PCDH9: variants seen among roughly 807,000 people sequenced by gnomAD.
PCDH9 encodes protocadherin 9.
PCDH9 carries 24 observed loss-of-function variants against 70.6 expected under a neutral mutation model. The ratio of observed to expected loss-of-function variants is 0.34; its 90% CI spans 0.25 to 0.48. The LOEUF is 0.48. Ranked by LOEUF, PCDH9 falls within the 20% of genes least tolerant of loss-of-function variation. The pLI is 0.99. For synonymous variants in PCDH9, 562 were observed against 558.5 expected, an observed-to-expected ratio of 1.01 and a Z score of -0.09; for missense variants, 1,281 against 1,503.6, an observed-to-expected ratio of 0.85 and a Z score of 2.45.
At chr13:67,188,797 A>G (rs959601306) in intron 2 of PCDH9, among the ~76,000 whole-genome samples, 11 of 151,904 alleles carry the variant, frequency 7.2e-5, no homozygotes, top group African/African-American at 2.7e-4. Flanking sequence ...ATTTTTTTTA[A>G]TTTCTGTAAG....
At position 67,216,646 on chromosome 13, in the gene PCDH9, T is replaced by C. The variant is rs138546196; in HGVS notation, c.3036+8759A>G. The C allele has an allele frequency of 1.3e-3, 175 of 138,014 alleles. 2 individuals carry two copies. The East Asian group carries it at 0.036, about 29-fold the overall frequency. The allele number at this position is 138,014 out of a possible 1,614,324, so 8.5% of individuals were successfully genotyped here. ...ATTTCTAGCAAGAAAGGACACATCATAGATTTTATTTCACACTTTGTGGTT... is the reference window on the plus strand; with the variant it reads ...ATTTCTAGCAAGAAAGGACACATCACAGATTTTATTTCACACTTTGTGGTT... On this transcript the variant is annotated intron_variant, in intron 2 of 4. Coordinates refer to ENST00000377865, the MANE Select transcript of PCDH9 (RefSeq NM_203487.3).
intron 3 of PCDH9, among the ~76,000 whole-genome samples, chr13:66,747,426 C>A (rs1340627118): frequency 2.0e-5 from 3 of 152,078 alleles, no homozygotes; most frequent in Non-Finnish European, 2.9e-5. Context: ...ATGACCAAAA[C>A]TCTTTTCATC....
At chr13:66,755,895 C>T (rs1248406692) in intron 3 of PCDH9, among the ~76,000 whole-genome samples, 1 of 152,122 alleles carries the variant, frequency 6.6e-6, no homozygotes, top group East Asian at 1.9e-4. Flanking sequence ...GTCCAGATGG[C>T]GATAGATCAG....
chr13:66,910,184 C>T (rs1183330014), intron 2 of PCDH9, among the ~76,000 whole-genome samples: 1 of 152,120 alleles, frequency 6.6e-6, no homozygotes, highest in African/African-American at 2.4e-5. Context: ...TATTTTTTAA[C>T]CAGGTTTGCA....
At chr13:66,786,877 TAAG>T (rs74263689) in intron 3 of PCDH9, among the ~76,000 whole-genome samples, 181 of 152,204 alleles carry the variant, frequency 1.2e-3, no homozygotes, top group South Asian at 3.3e-3. Flanking sequence ...TCATGCATAT[TAAG>T]GAGAAGAAAA....
chr13:66,345,838 C>T (rs1281192326), intron 4 of PCDH9, among the ~76,000 whole-genome samples: 1 of 152,086 alleles, frequency 6.6e-6, no homozygotes. Context: ...AACAGGCTGA[C>T]TTTAAAAAGT....
At chr13:66,583,505 G>C (rs552467292) in intron 4 of PCDH9, among the ~76,000 whole-genome samples, 100 of 151,852 alleles carry the variant, frequency 6.6e-4, no homozygotes, top group African/African-American at 2.2e-3. Flanking sequence ...CCAGCTACTC[G>C]GGAGGCTGAG....
intron 2 of PCDH9, among the ~76,000 whole-genome samples, chr13:67,073,574 T>C (rs930541604): frequency 2.0e-5 from 3 of 152,116 alleles, no homozygotes; most frequent in Admixed American, 6.6e-5. Context: ...ATCTCTTATA[T>C]AACTATGTGC....
chr13:67,031,297 T>A (rs1021030084), intron 2 of PCDH9, among the ~76,000 whole-genome samples: 3 of 152,200 alleles, frequency 2.0e-5, no homozygotes, highest in African/African-American at 7.2e-5. Flanking sequence ...TATCTACATT[T>A]TCTACAATTT....
intron 2 of PCDH9, among the ~76,000 whole-genome samples, chr13:66,998,893 T>A (rs918836958): frequency 6.6e-6 from 1 of 152,224 alleles, no homozygotes; most frequent in Non-Finnish European, 1.5e-5. Context: ...CAAAATGTCA[T>A]ATTATTAAGG....
chr13:67,203,615 T>C (rs904005477), intron 2 of PCDH9: 3 of 152,158 alleles, frequency 2.0e-5, no homozygotes, highest in African/African-American at 4.8e-5. Flanking sequence ...AATTCTTGCA[T>C]AGCTTTTAAA....
At chr13:66,983,265 A>C (rs1277345920) in intron 2 of PCDH9, among the ~76,000 whole-genome samples, 1 of 152,132 alleles carries the variant, frequency 6.6e-6, no homozygotes, top group Non-Finnish European at 1.5e-5. Flanking sequence ...AAAAATAATA[A>C]ATGAGATTAG....
At chr13:66,584,184 T>C (rs1359685615) in intron 4 of PCDH9, among the ~76,000 whole-genome samples, 2 of 152,282 alleles carry the variant, frequency 1.3e-5, no homozygotes, top group Non-Finnish European at 2.9e-5. Context: ...GATTCGGTTA[T>C]TAGATACAGT....
intron 2 of PCDH9, among the ~76,000 whole-genome samples, chr13:67,067,953 T>C (rs1382513046): frequency 6.6e-6 from 1 of 152,172 alleles, no homozygotes. Flanking sequence ...TACTTGCATT[T>C]GGTTAGAACC....
At chr13:66,958,472 A>G (rs1323263037) in intron 2 of PCDH9, among the ~76,000 whole-genome samples, 1 of 152,226 alleles carries the variant, frequency 6.6e-6, no homozygotes, top group Non-Finnish European at 1.5e-5. Context: ...TAAACAGAAT[A>G]GAGAAAGATG....
chr13:66,795,146 C>T (rs180951747), intron 3 of PCDH9, among the ~76,000 whole-genome samples: 5 of 152,192 alleles, frequency 3.3e-5, no homozygotes, highest in African/African-American at 1.2e-4. Context: ...TATCTCTTCT[C>T]TAACATGCTT....
chr13:66,352,491 T>G, intron 4 of PCDH9, among the ~76,000 whole-genome samples: 1 of 152,138 alleles, frequency 6.6e-6, no homozygotes, highest in East Asian at 1.9e-4. Context: ...TTAAGCCTCC[T>G]CTCATGGCTT....
intron 2 of PCDH9, among the ~76,000 whole-genome samples, chr13:66,958,717 T>C (rs992740099): frequency 6.6e-6 from 1 of 152,152 alleles, no homozygotes; most frequent in East Asian, 1.9e-4. Context: ...CTGAGAGCAT[T>C]TCTATATTAG....
chr13:66,713,655 T>TATATATATATATATATATATATA (rs1474635736), intron 3 of PCDH9, among the ~76,000 whole-genome samples: 24 of 63,630 alleles, frequency 3.8e-4, no homozygotes, highest in African/African-American at 1.5e-3. Context: ...ATATATATAA[T>TATATATATATATATATATATATA]GTACACACAC....
Sources: allele counts gnomAD v4.1 joint callset (sites outside exome capture counted in the v4.1 genomes callset), GRCh38; gene constraint gnomAD v4.1.1; transcripts MANE v1.5; gene names NCBI Gene and HGNC (gene_info 2026-07-23, HGNC 2026-07-21).